GALNTL6: variants seen among roughly 807,000 people sequenced by gnomAD.
GALNTL6 encodes the protein polypeptide N-acetylgalactosaminyltransferase-like 6.
Under a neutral mutation model 73.7 loss-of-function variants are expected in GALNTL6, and 46 were observed. The ratio of observed to expected loss-of-function variants is 0.62; its 90% CI spans 0.49 to 0.80. The LOEUF is 0.80. Among genes scored for constraint, GALNTL6 ranks in the 30% least tolerant of loss-of-function variants. GALNTL6 has a pLI of 0.00. For synonymous variants in GALNTL6, 259 were observed against 263.7 expected (o/e 0.98, Z 0.17); for missense variants, 604 against 755.0 (o/e 0.80, Z 2.34).
chr4:172,818,805 G>A (rs1357725575), intron 7 of GALNTL6, among the ~76,000 whole-genome samples: 2 of 152,084 alleles, frequency 1.3e-5, no homozygotes, highest in African/African-American at 2.4e-5. Context: ...TGCCATGTTG[G>A]TCAGGCTGGT....
intron 2 of GALNTL6, among the ~76,000 whole-genome samples, chr4:172,084,880 T>C (rs1158023255): frequency 6.6e-6 from 1 of 152,180 alleles, no homozygotes. Flanking sequence ...GGATAGTATA[T>C]GATGTTGTCA....
chr4:172,253,242 A>G (rs981556968), intron 3 of GALNTL6, among the ~76,000 whole-genome samples: 4 of 152,010 alleles, frequency 2.6e-5, no homozygotes, highest in South Asian at 4.1e-4. Flanking sequence ...GAAGAAATCA[A>G]TGTGGGGTAG....
At chr4:172,124,551 A>G (rs1270357564) in intron 2 of GALNTL6, among the ~76,000 whole-genome samples, 2 of 152,218 alleles carry the variant, frequency 1.3e-5, no homozygotes, top group Non-Finnish European at 2.9e-5. Flanking sequence ...AAAATAAAAC[A>G]AATTTAACTT....
At position 172,530,704 on chromosome 4, in the gene GALNTL6, T is replaced by C. The variant is rs138797567; in HGVS notation, c.553+182015T>C. ...ATATGTGAATGATCTTATATTTGTT[T>C]ATTTTTCTTCTCTAAGGAAAAGTGA... On this transcript the variant is annotated intron_variant, in intron 5 of 12. Transcript: ENST00000506823. Among the ~76,000 whole-genome samples the C allele has an allele frequency of 3.9e-3, 595 of 152,348 alleles. 6 individuals are homozygous for C. Among genetic ancestry groups the C allele is most frequent in the Middle Eastern group, 0.01 (3 of 294 alleles).
At chr4:171,941,743 A>G (rs1172465662) in intron 2 of GALNTL6, among the ~76,000 whole-genome samples, 1 of 152,146 alleles carries the variant, frequency 6.6e-6, no homozygotes, top group Non-Finnish European at 1.5e-5. Flanking sequence ...GAATCCATTG[A>G]TATTCTTGCT....
chr4:172,844,422 G>A (rs185718681), intron 7 of GALNTL6, among the ~76,000 whole-genome samples: 6 of 152,332 alleles, frequency 3.9e-5, no homozygotes, highest in East Asian at 1.9e-4. Flanking sequence ...CTCAGGCATC[G>A]ACAGCTAGAG....
intron 5 of GALNTL6, among the ~76,000 whole-genome samples, chr4:172,712,520 T>A (rs977462665): frequency 2.6e-5 from 4 of 152,162 alleles, no homozygotes; most frequent in African/African-American, 7.2e-5. Context: ...AGGATGCTAC[T>A]TTTTTATGAA....
intron 5 of GALNTL6, among the ~76,000 whole-genome samples, chr4:172,611,931 G>T (rs1383307200): frequency 2.0e-5 from 3 of 152,016 alleles, no homozygotes; most frequent in South Asian, 2.1e-4. Flanking sequence ...ATGTATTTAG[G>T]TCCCAGACCA....
At chr4:172,489,487 A>T (rs897018324) in intron 5 of GALNTL6, among the ~76,000 whole-genome samples, 11 of 152,362 alleles carry the variant, frequency 7.2e-5, no homozygotes, top group African/African-American at 2.2e-4. Flanking sequence ...GAAATGATAG[A>T]GGTACATATG....
chr4:171,978,142 A>T (rs1030589394), intron 2 of GALNTL6, among the ~76,000 whole-genome samples: 9 of 152,294 alleles, frequency 5.9e-5, no homozygotes, highest in African/African-American at 2.2e-4. Context: ...TTTTCATAGC[A>T]AAATTGCATT....
chr4:172,811,861 TATTA>T (rs1482888029), intron 6 of GALNTL6, among the ~76,000 whole-genome samples: 3 of 152,252 alleles, frequency 2.0e-5, no homozygotes, highest in Admixed American at 6.5e-5. Flanking sequence ...TTATTATGCT[TATTA>T]ATTGTCTTTG....
At chr4:172,480,067 A>G (rs999884544) in intron 5 of GALNTL6, among the ~76,000 whole-genome samples, 1 of 152,194 alleles carries the variant, frequency 6.6e-6, no homozygotes, top group Admixed American at 6.5e-5. Flanking sequence ...GCTAATGCCT[A>G]TAACCTTGGG....
chr4:172,562,490 G>C (rs1462027018), intron 5 of GALNTL6, among the ~76,000 whole-genome samples: 2 of 152,184 alleles, frequency 1.3e-5, no homozygotes, highest in Non-Finnish European at 2.9e-5. Context: ...ACAAGGGCCA[G>C]CTTAACTTGT....
rs117616261 is a variant in GALNTL6, at chr4:171,994,896, T to A, written c.138+180178T>A. 6.1e-4 allele frequency among the ~76,000 whole-genome samples: 93 copies of A among 152,118 alleles called. 1 individual carries two copies. The East Asian group carries it at 0.018, about 29-fold the overall frequency. On this transcript the variant is annotated intron_variant, in intron 2 of 12. Coordinates refer to ENST00000506823, the MANE Select transcript of GALNTL6 (RefSeq NM_001034845.3). The stretch of plus-strand genomic sequence containing the variant: ...AAATAATGCCAGCAATGAAACTAAT[T>A]ATTTATGTGAAAAAATATTTCCAAA...
chr4:171,921,377 G>A (rs146498496), intron 2 of GALNTL6, among the ~76,000 whole-genome samples: 12 of 152,014 alleles, frequency 7.9e-5, no homozygotes, highest in East Asian at 5.8e-4. Context: ...TCTTCTATCC[G>A]TCTATCTACC....
intron 2 of GALNTL6, among the ~76,000 whole-genome samples, chr4:172,070,550 T>C (rs1272592228): frequency 9.1e-6 from 1 of 109,314 alleles, no homozygotes; most frequent in Non-Finnish European, 2.0e-5. Context: ...GCTCTCTTTC[T>C]CTTGCCTATT....
chr4:172,619,881 T>C (rs1232716181), intron 5 of GALNTL6, among the ~76,000 whole-genome samples: 1 of 152,222 alleles, frequency 6.6e-6, no homozygotes, highest in African/African-American at 2.4e-5. Flanking sequence ...AGAAATCTTT[T>C]CTTCAAAGGC....
At chr4:172,380,357 TC>T in intron 5 of GALNTL6, 1 of 699,520 alleles carries the variant, frequency 1.4e-6, no homozygotes. Context: ...ACAGTGGGAA[TC>T]CCAGGGACTG....
At chr4:171,980,745 A>G (rs1739870962) in intron 2 of GALNTL6, among the ~76,000 whole-genome samples, 1 of 152,202 alleles carries the variant, frequency 6.6e-6, no homozygotes, top group Admixed American at 6.5e-5. Context: ...GTGGTTCAAC[A>G]GTATAAAGAA....
Sources: gnomAD v4.1 joint callset for allele counts (sites outside exome capture counted in the v4.1 genomes callset) on GRCh38, gnomAD v4.1.1 for gene constraint, MANE v1.5 for transcripts, NCBI Gene and HGNC (gene_info 2026-07-23, HGNC 2026-07-21) for gene names.